The following MALRD1 variants were observed in gnomAD, a reference collection of about 807,000 sequenced individuals.
The protein encoded by MALRD1 is MAM and LDL receptor class A domain containing 1.
In MALRD1, 247 loss-of-function variants were observed where a neutral mutation model predicts 242.1. That is an observed-to-expected ratio of 1.02 (90% CI 0.92 to 1.13). The LOEUF is 1.13. MALRD1 is among the 50% of genes most tolerant of loss of function. The probability of loss-of-function intolerance (pLI) is 0.00; values close to 1 mark genes in which losing one functional copy is unlikely to be tolerated. For synonymous variants in MALRD1, 995 were observed against 866.6 expected (o/e 1.15, Z -2.60); for missense variants, 2,989 against 2,533.1 (o/e 1.18, Z -3.86).
At chr10:19,375,137 C>G (rs1845543504) in intron 26 of MALRD1, among the ~76,000 whole-genome samples, 1 of 152,096 alleles carries the variant, frequency 6.6e-6, no homozygotes, top group Non-Finnish European at 1.5e-5. Flanking sequence ...ATCACCATAA[C>G]CAATAACCAG....
At chr10:19,419,258 T>C (rs180988628) in intron 28 of MALRD1, among the ~76,000 whole-genome samples, 12 of 151,952 alleles carry the variant, frequency 7.9e-5, no homozygotes, top group Admixed American at 3.3e-4. Context: ...TTCTCCTCCT[T>C]CTTCTTCATC....
chr10:19,203,058 C>G (rs1448790252), intron 14 of MALRD1, among the ~76,000 whole-genome samples: 1 of 152,068 alleles, frequency 6.6e-6, no homozygotes, highest in Non-Finnish European at 1.5e-5. Flanking sequence ...CTATAACTAT[C>G]AGCTGTATTA....
At chr10:19,692,886 T>TGTATATAA (rs1833163471) in intron 38 of MALRD1, among the ~76,000 whole-genome samples, 1 of 136,868 alleles carries the variant, frequency 7.3e-6, no homozygotes, top group Non-Finnish European at 1.5e-5. Context: ...TATATATATA[T>TGTATATAA]AATTTCATCC....
chr10:19,132,791 A>G (rs566652895), intron 8 of MALRD1, among the ~76,000 whole-genome samples: 5 of 152,156 alleles, frequency 3.3e-5, no homozygotes, highest in South Asian at 2.1e-4. Flanking sequence ...AATTTGTTCT[A>G]TTTTTGGGAA....
chr10:19,130,240 A>G (rs938045043), intron 8 of MALRD1, among the ~76,000 whole-genome samples: 3 of 152,062 alleles, frequency 2.0e-5, no homozygotes, highest in African/African-American at 4.8e-5. Flanking sequence ...ATTTTACCAA[A>G]AAGGAAGAGA....
chr10:19,333,628 G>A (rs189338354), intron 24 of MALRD1, among the ~76,000 whole-genome samples: 12 of 152,086 alleles, frequency 7.9e-5, no homozygotes, highest in Admixed American at 5.9e-4. Flanking sequence ...GTATCTTTTT[G>A]GGAAAAAGAT....
At chr10:19,056,001 A>T (rs377058591) in intron 1 of MALRD1, among the ~76,000 whole-genome samples, 4 of 152,306 alleles carry the variant, frequency 2.6e-5, no homozygotes, top group African/African-American at 7.2e-5. Context: ...AATTAGAGTT[A>T]AAAAAGTGTT....
At chr10:19,201,066 A>G (rs149655420) in intron 14 of MALRD1, among the ~76,000 whole-genome samples, 70 of 152,268 alleles carry the variant, frequency 4.6e-4, no homozygotes, top group South Asian at 8.3e-4. Context: ...AAAGTCAATA[A>G]TGCTTCAGAA....
At chr10:19,478,042 T>C (rs1398900133) in intron 29 of MALRD1, among the ~76,000 whole-genome samples, 1 of 152,208 alleles carries the variant, frequency 6.6e-6, no homozygotes, top group African/African-American at 2.4e-5. Context: ...TACAGGCTGC[T>C]CTTTGTTGGA....
intron 31 of MALRD1, among the ~76,000 whole-genome samples, chr10:19,520,209 G>A (rs1379003825): frequency 1.3e-5 from 2 of 151,952 alleles, no homozygotes; most frequent in East Asian, 3.9e-4. Context: ...TAAAGCAAAA[G>A]CCTGTATTTG....
intron 18 of MALRD1, among the ~76,000 whole-genome samples, chr10:19,224,192 C>G (rs993286672): frequency 6.6e-6 from 1 of 152,110 alleles, no homozygotes; most frequent in Admixed American, 6.5e-5. Flanking sequence ...TATTTCTCCA[C>G]ATCCTCTCTA....
chr10:19,102,652 A>C (rs1055637293), intron 4 of MALRD1, among the ~76,000 whole-genome samples: 6 of 139,324 alleles, frequency 4.3e-5, no homozygotes, highest in African/African-American at 8.1e-5. Context: ...ACATCCATGA[A>C]CAAAGCCTCT....
intron 32 of MALRD1, among the ~76,000 whole-genome samples, chr10:19,539,759 T>G (rs1008099102): frequency 5.9e-5 from 9 of 151,706 alleles, no homozygotes; most frequent in Non-Finnish European, 1.2e-4. Context: ...CAGTCTCCAC[T>G]CACTGCAGTC....
At chr10:19,718,784 C>T (rs1023839317) in intron 38 of MALRD1, among the ~76,000 whole-genome samples, 7 of 152,006 alleles carry the variant, frequency 4.6e-5, no homozygotes, top group East Asian at 3.9e-4. Flanking sequence ...TTGTGATGAA[C>T]CTTTTTCTAT....
At chr10:19,382,140 T>C (rs1338959138) in intron 26 of MALRD1, among the ~76,000 whole-genome samples, 2 of 152,198 alleles carry the variant, frequency 1.3e-5, no homozygotes, top group African/African-American at 4.8e-5. Flanking sequence ...TTAAGGATTG[T>C]TTTAATAATA....
chr10:19,452,032 A>C (rs1216278196), intron 29 of MALRD1, among the ~76,000 whole-genome samples: 1 of 152,182 alleles, frequency 6.6e-6, no homozygotes, highest in Non-Finnish European at 1.5e-5. Context: ...ATGCTTCTTG[A>C]ACTCTCTCCT....
intron 38 of MALRD1, among the ~76,000 whole-genome samples, chr10:19,715,892 C>T (rs1834362566): frequency 6.6e-6 from 1 of 152,218 alleles, no homozygotes; most frequent in South Asian, 2.1e-4. Flanking sequence ...TCACTCATTA[C>T]TGCAAGGGCA....
chr10:19,495,245 G>A (rs201815760), intron 30 of MALRD1, among the ~76,000 whole-genome samples: 16 of 151,948 alleles, frequency 1.1e-4, no homozygotes, highest in African/African-American at 3.9e-4. Context: ...CCAGAGTGCC[G>A]GGATTACAGG....
In MALRD1 at chr10:19,128,378, T is replaced by C; in HGVS notation, c.1101T>C (p.Tyr367=). Residue 367 remains tyrosine (Y), a synonymous_variant, in exon 8 of 40, where the codon TAT becomes TAC. Transcript: ENST00000454679. ...MESSVLRVRL[Y]NNKEEEIFWT... The stretch of plus-strand genomic sequence containing the variant: ...GCAGTGTCCTGAGAGTAAGACTGTA[T>C]AATAATAAGGTAAGAAGAAAGTTGC... The C allele has an allele frequency of 8.1e-7, 1 of 1,232,846 alleles. No individual in the cohort carries two copies. Among genetic ancestry groups the C allele is most frequent in the Non-Finnish European group, 1.0e-6 (1 of 987,304 alleles). 76.4% of individuals were successfully genotyped at this position (1,232,846 alleles called of 1,614,324 possible).
Sources: gnomAD v4.1 joint callset for allele counts (sites outside exome capture counted in the v4.1 genomes callset) on GRCh38, gnomAD v4.1.1 for gene constraint, MANE v1.5 for transcripts, NCBI Gene and HGNC (gene_info 2026-07-23, HGNC 2026-07-21) for gene names.